SOX6: variants seen among roughly 807,000 people sequenced by gnomAD.
The protein encoded by SOX6 is SRY-box transcription factor 6, also known as transcription factor SOX-6.
Under a neutral mutation model 97.8 loss-of-function variants are expected in SOX6, and 11 were observed. The ratio of observed to expected loss-of-function variants is 0.11; its 90% CI spans 0.07 to 0.19. The LOEUF is 0.19. Among genes scored for constraint, SOX6 ranks in the 10% least tolerant of loss-of-function variants. SOX6 has a pLI of 1.00. For missense variants in SOX6, 810 were observed against 1,039.5 expected (o/e 0.78, Z 3.04); for synonymous variants, 360 against 371.4 (o/e 0.97, Z 0.35).
intron 1 of SOX6, among the ~76,000 whole-genome samples, chr11:16,396,787 T>C (rs1326826613): frequency 6.6e-6 from 1 of 151,606 alleles, no homozygotes; most frequent in African/African-American, 2.4e-5. Flanking sequence ...AAATTTCTTC[T>C]ATAACAGGAG....
chr11:16,582,723 T>C (rs1011537844), intron 4 of SOX6, among the ~76,000 whole-genome samples: 1 of 151,992 alleles, frequency 6.6e-6, no homozygotes, highest in African/African-American at 2.4e-5. Context: ...CTAGATAAAA[T>C]AGTGGGTTTC....
At chr11:16,029,288 G>T (rs371248763) in intron 12 of SOX6, among the ~76,000 whole-genome samples, 4 of 152,274 alleles carry the variant, frequency 2.6e-5, no homozygotes, top group South Asian at 4.1e-4. Context: ...GAGAAACTTG[G>T]AAAATTAGCC....
chr11:16,436,232 G>A (rs1859373820), intron 1 of SOX6, among the ~76,000 whole-genome samples: 1 of 152,150 alleles, frequency 6.6e-6, no homozygotes, highest in Non-Finnish European at 1.5e-5. Flanking sequence ...AGTGATTGCT[G>A]TTGGTCACTT....
chr11:16,478,378 T>G (rs1565158179), upstream of SOX6, among the ~76,000 whole-genome samples: 1 of 152,234 alleles, frequency 6.6e-6, no homozygotes, highest in Non-Finnish European at 1.5e-5. Flanking sequence ...GATTTAATTT[T>G]TTAATCAATG....
chr11:16,595,673 G>A (rs1413655419), intron 4 of SOX6, among the ~76,000 whole-genome samples: 2 of 151,696 alleles, frequency 1.3e-5, no homozygotes, highest in Non-Finnish European at 2.9e-5. Flanking sequence ...TACTCAGGAG[G>A]CTGAGGCAGG....
intron 9 of SOX6, among the ~76,000 whole-genome samples, chr11:16,076,405 C>CAA (rs34417959): frequency 1.1e-5 from 1 of 91,570 alleles, no homozygotes; most frequent in Non-Finnish European, 2.7e-5. Context: ...AATCAATAAG[C>CAA]AAAAAAAAAA....
chr11:16,310,937 T>G (rs1855583119), intron 3 of SOX6, among the ~76,000 whole-genome samples: 1 of 152,088 alleles, frequency 6.6e-6, no homozygotes, highest in South Asian at 2.1e-4. Flanking sequence ...ACATGGGCTT[T>G]TAATAGATTT....
intron 4 of SOX6, among the ~76,000 whole-genome samples, chr11:16,219,230 A>G (rs1249988606): frequency 2.0e-5 from 3 of 152,064 alleles, no homozygotes; most frequent in Admixed American, 6.6e-5. Context: ...AAATTAGCTA[A>G]ATTTTGAGCT....
chr11:16,614,382 T>C (rs924032757), intron 3 of SOX6, among the ~76,000 whole-genome samples: 1 of 151,988 alleles, frequency 6.6e-6, no homozygotes. Flanking sequence ...GAGAATTGCG[T>C]GCAAGAGAAG....
At chr11:15,988,209 A>T (rs777918614) in intron 14 of SOX6, among the ~76,000 whole-genome samples, 2 of 152,362 alleles carry the variant, frequency 1.3e-5, no homozygotes, top group East Asian at 3.9e-4. Flanking sequence ...AAGAGGAAAC[A>T]TGTTGACTGT....
intron 1 of SOX6, among the ~76,000 whole-genome samples, chr11:16,387,439 T>C (rs1485448301): frequency 6.6e-6 from 1 of 151,876 alleles, no homozygotes; most frequent in Non-Finnish European, 1.5e-5. Flanking sequence ...CTCAAACCAT[T>C]GAAAAATCAA....
In SOX6 at chr11:15,971,731, A is replaced by G. The variant is rs1356969607; in HGVS notation, c.*1078T>C. The G allele has an allele frequency of 6.6e-6, 1 of 152,652 alleles. No homozygotes were observed. The highest frequency in any genetic ancestry group is 2.4e-5 in the African/African-American group (1 of 41,456). The allele number at this position is 152,652 out of a possible 1,614,324, so 9.5% of individuals were successfully genotyped here. A position where few individuals can be genotyped will look rare whatever the true frequency, so the allele number is the denominator to read the frequency against. On this transcript the variant is annotated 3_prime_UTR_variant, in exon 16 of 16. Coordinates refer to ENST00000683767, the MANE Select transcript of SOX6 (RefSeq NM_001367873.1). The stretch of plus-strand genomic sequence containing the variant: ...CTGGGGACATAAAATCACTATGTAC[A>G]CAGGAGAAGGAGGTGAAAAGGACGG...
chr11:16,592,557 G>A (rs1285346772), intron 4 of SOX6, among the ~76,000 whole-genome samples: 2 of 151,716 alleles, frequency 1.3e-5, no homozygotes, highest in East Asian at 3.9e-4. Flanking sequence ...AAGTTAGAAT[G>A]ACCATATAAT....
intron 3 of SOX6, among the ~76,000 whole-genome samples, chr11:16,625,378 C>G: frequency 6.6e-6 from 1 of 152,136 alleles, no homozygotes; most frequent in Admixed American, 6.5e-5. Flanking sequence ...ATATTGGTCT[C>G]TGCCCCCAGT....
intron 3 of SOX6, among the ~76,000 whole-genome samples, chr11:16,644,682 T>C (rs1269635336): frequency 6.6e-6 from 1 of 152,238 alleles, no homozygotes; most frequent in Non-Finnish European, 1.5e-5. Context: ...TAATATTATA[T>C]AATCAATTGT....
chr11:16,394,497 T>G (rs1679134374), intron 1 of SOX6, among the ~76,000 whole-genome samples: 1 of 151,870 alleles, frequency 6.6e-6, no homozygotes, highest in African/African-American at 2.4e-5. Context: ...CCAGCAAAGA[T>G]TTACATAGAA....
At chr11:16,566,333 A>G (rs1201655861) in intron 4 of SOX6, among the ~76,000 whole-genome samples, 4 of 152,236 alleles carry the variant, frequency 2.6e-5, no homozygotes, top group Non-Finnish European at 1.5e-5. Context: ...CAGTGAAGAT[A>G]CAAAAACAAT....
intron 1 of SOX6, among the ~76,000 whole-genome samples, chr11:16,362,676 A>C (rs1857239389): frequency 6.6e-6 from 1 of 152,192 alleles, no homozygotes; most frequent in African/African-American, 2.4e-5. Context: ...AACATGAAAA[A>C]GCAGAGAAGC....
intron 3 of SOX6, 46 bp from the exon 4 acceptor site, chr11:16,234,717 A>G: frequency 8.7e-7 from 1 of 1,154,986 alleles, no homozygotes; most frequent in Non-Finnish European, 1.2e-6. Flanking sequence ...ATTTATTACA[A>G]ATTTAGAAAG....
Sources: allele counts gnomAD v4.1 joint callset (sites outside exome capture counted in the v4.1 genomes callset), GRCh38; gene constraint gnomAD v4.1.1; transcripts MANE v1.5; gene names NCBI Gene and HGNC (gene_info 2026-07-23, HGNC 2026-07-21).